The following HCN1 variants were observed in gnomAD, a reference collection of about 807,000 sequenced individuals.
HCN1 encodes the protein hyperpolarization activated cyclic nucleotide gated potassium channel 1, also known as potassium/sodium hyperpolarization-activated cyclic nucleotide-gated channel 1.
Under a neutral mutation model 78.9 loss-of-function variants are expected in HCN1, and 13 were observed. The observed-to-expected ratio is 0.16, with a 90% CI of 0.11 to 0.26. HCN1 has a LOEUF of 0.26. Among genes scored for constraint, HCN1 ranks in the 10% least tolerant of loss-of-function variants. HCN1 has a pLI of 1.00. For synonymous variants in HCN1, 552 were observed against 455.5 expected (o/e 1.21, Z -2.70); for missense variants, 810 against 1,154.3 (o/e 0.70, Z 4.32).
intron 2 of HCN1, among the ~76,000 whole-genome samples, chr5:45,501,019 T>C (rs891583594): frequency 6.6e-6 from 1 of 152,138 alleles, no homozygotes; most frequent in African/African-American, 2.4e-5. Flanking sequence ...TAAAATAAAA[T>C]GCTAACAGAG....
At chr5:45,332,698 G>T (rs1746369930) in intron 5 of HCN1, among the ~76,000 whole-genome samples, 1 of 151,322 alleles carries the variant, frequency 6.6e-6, no homozygotes. Flanking sequence ...GAGTTCAATT[G>T]TTTTCATTTT....
At chr5:45,493,381 T>C (rs1484466323) in intron 2 of HCN1, among the ~76,000 whole-genome samples, 1 of 152,048 alleles carries the variant, frequency 6.6e-6, no homozygotes, top group South Asian at 2.1e-4. Context: ...TATAATTTTC[T>C]AATGTCTCCA....
chr5:45,426,451 G>A (rs765058708), intron 3 of HCN1, among the ~76,000 whole-genome samples: 3 of 152,168 alleles, frequency 2.0e-5, no homozygotes, highest in Non-Finnish European at 4.4e-5. Flanking sequence ...TAATTGAATC[G>A]TGGTTGTGAG....
chr5:45,584,770 A>C (rs909781328), intron 2 of HCN1, among the ~76,000 whole-genome samples: 5 of 152,104 alleles, frequency 3.3e-5, no homozygotes, highest in African/African-American at 7.2e-5. Context: ...AAAGGATTTT[A>C]TTTCTCCTTC....
intron 3 of HCN1, among the ~76,000 whole-genome samples, chr5:45,419,709 G>A (rs1005247855): frequency 1.6e-4 from 25 of 152,222 alleles, no homozygotes; most frequent in African/African-American, 5.8e-4. Flanking sequence ...TGGGGCTCCC[G>A]CTTTGAAGAC....
At chr5:45,327,619 C>G (rs1321809784) in intron 5 of HCN1, among the ~76,000 whole-genome samples, 1 of 151,450 alleles carries the variant, frequency 6.6e-6, no homozygotes, top group African/African-American at 2.4e-5. Flanking sequence ...TGAGTTGTGT[C>G]TCCCAAAAAA....
At chr5:45,293,459 C>T (rs1167266469) in intron 6 of HCN1, among the ~76,000 whole-genome samples, 2 of 151,752 alleles carry the variant, frequency 1.3e-5, no homozygotes, top group Admixed American at 1.3e-4. Context: ...GCCTGGGTGA[C>T]AGAGCAAGAC....
intron 2 of HCN1, among the ~76,000 whole-genome samples, chr5:45,474,185 A>G (rs890457565): frequency 6.6e-6 from 1 of 151,898 alleles, no homozygotes; most frequent in East Asian, 1.9e-4. Flanking sequence ...ATGAAGCAAA[A>G]TTTCTTAATT....
chr5:45,460,060 A>G (rs919515419), intron 3 of HCN1, among the ~76,000 whole-genome samples: 6 of 152,288 alleles, frequency 3.9e-5, no homozygotes, highest in Middle Eastern at 3.4e-3. Flanking sequence ...AAAACTGTCA[A>G]TGATAAGTGA....
intron 2 of HCN1, among the ~76,000 whole-genome samples, chr5:45,506,966 C>A (rs1742317523): frequency 1.3e-5 from 2 of 151,908 alleles, no homozygotes; most frequent in African/African-American, 4.8e-5. Flanking sequence ...CCACTGTCAC[C>A]AGCAACAGTA....
chr5:45,296,687 A>AT (rs928450782), intron 6 of HCN1, among the ~76,000 whole-genome samples: 1 of 151,866 alleles, frequency 6.6e-6, no homozygotes, highest in African/African-American at 2.4e-5. Flanking sequence ...TGGAAAATAT[A>AT]TTTTTTAAGA....
At chr5:45,504,577 T>C (rs1170824180) in intron 2 of HCN1, among the ~76,000 whole-genome samples, 1 of 152,134 alleles carries the variant, frequency 6.6e-6, no homozygotes, top group Non-Finnish European at 1.5e-5. Flanking sequence ...CATGTGTCTT[T>C]ATAGCAGCAT....
chr5:45,437,836 G>A (rs1740587229), intron 3 of HCN1, among the ~76,000 whole-genome samples: 1 of 152,164 alleles, frequency 6.6e-6, no homozygotes, highest in African/African-American at 2.4e-5. Flanking sequence ...GAGATTAGCT[G>A]GGTCCTTCTG....
chr5:45,352,433 G>A (rs193078717), intron 5 of HCN1, among the ~76,000 whole-genome samples: 5 of 152,118 alleles, frequency 3.3e-5, no homozygotes, highest in African/African-American at 1.2e-4. Context: ...TAAATGACGA[G>A]TTAATGGGTG....
intron 2 of HCN1, among the ~76,000 whole-genome samples, chr5:45,586,962 A>T (rs748046559): frequency 4.6e-5 from 7 of 152,224 alleles, no homozygotes; most frequent in Non-Finnish European, 1.0e-4. Flanking sequence ...AAGGTTGGCT[A>T]TAATCATTCC....
intron 1 of HCN1, among the ~76,000 whole-genome samples, chr5:45,649,329 C>G (rs746110509): frequency 2.6e-5 from 4 of 151,954 alleles, no homozygotes; most frequent in African/African-American, 4.8e-5. Flanking sequence ...TATATACCTC[C>G]TGCCCCTACA....
intron 4 of HCN1, among the ~76,000 whole-genome samples, chr5:45,394,980 A>G (rs1375434463): frequency 6.6e-6 from 1 of 152,180 alleles, no homozygotes; most frequent in Non-Finnish European, 1.5e-5. Flanking sequence ...TTGCATACAA[A>G]TATCTATGAT....
rs1160972360 is a variant in HCN1, at chr5:45,608,524, C to T, written c.849+36661G>A. Among the ~76,000 whole-genome samples, 3 of 151,700 alleles carry T rather than the reference C, an allele frequency of 2.0e-5. No homozygotes were observed. In the East Asian group the frequency reaches 5.8e-4, roughly 29 times the overall value. On this transcript the variant is annotated intron_variant, in intron 2 of 7. Transcript: ENST00000303230. ...TTAGCTTTAAATGCTTAATATAAGG[C>T]TACAGTAATTAAGTTAGTTTGGTGT... is the stretch of plus-strand genomic sequence containing the variant.
At chr5:45,379,113 T>G (rs1747751504) in intron 4 of HCN1, among the ~76,000 whole-genome samples, 1 of 152,146 alleles carries the variant, frequency 6.6e-6, no homozygotes. Flanking sequence ...GCAGCATGAT[T>G]TATAATCCTT....
Sources: gnomAD v4.1 joint callset for allele counts (sites outside exome capture counted in the v4.1 genomes callset) on GRCh38, gnomAD v4.1.1 for gene constraint, MANE v1.5 for transcripts, NCBI Gene and HGNC (gene_info 2026-07-23, HGNC 2026-07-21) for gene names.